The following CDH18 variants were observed in gnomAD, a reference collection of about 807,000 sequenced individuals.
CDH18 encodes cadherin 18, also known as cadherin-18.
Under a neutral mutation model 67.9 loss-of-function variants are expected in CDH18, and 31 were observed. That is an observed-to-expected ratio of 0.46 (90% confidence interval 0.34 to 0.62). The LOEUF (loss-of-function observed/expected upper bound fraction) is 0.62. CDH18 is among the 20% of genes least tolerant of loss of function. CDH18 has a pLI of 0.01. For synonymous variants in CDH18, 362 were observed against 347.2 expected, an observed-to-expected ratio of 1.04 and a Z score of -0.48; for missense variants, 890 against 975.5, an observed-to-expected ratio of 0.91 and a Z score of 1.17.
At chr5:19,601,937 T>TAAAAG (rs1747201245) in intron 6 of CDH18, among the ~76,000 whole-genome samples, 1 of 151,858 alleles carries the variant, frequency 6.6e-6, no homozygotes, top group South Asian at 2.1e-4. Context: ...GAACTATAAA[T>TAAAAG]AAAAGAAACT....
At chr5:20,497,035 A>G (rs1043824798) in intron 1 of CDH18, among the ~76,000 whole-genome samples, 1 of 152,014 alleles carries the variant, frequency 6.6e-6, no homozygotes, top group African/African-American at 2.4e-5. Context: ...TTGAAGGAGA[A>G]GGTAGAAAGG....
At chr5:19,559,915 C>CAAAAAAAAAAAA (rs754748614) in intron 8 of CDH18, among the ~76,000 whole-genome samples, 1 of 131,944 alleles carries the variant, frequency 7.6e-6, no homozygotes, top group African/African-American at 3.0e-5. Flanking sequence ...ATAATAGTTG[C>CAAAAAAAAAAAA]AAAAACAAAC....
rs149737106 is a variant in CDH18 at position 20,328,606 on chromosome 5, G to A, written c.-579-73101C>T. 6.9e-4 allele frequency among the ~76,000 whole-genome samples: 105 copies of A among 152,212 alleles called. 2 individuals carry two copies. In the East Asian group the frequency reaches 0.015, roughly 22 times the overall value. Reference sequence around the variant, plus strand: ...ATTATTAGATATAAAAGTCTCTAATGTGGACTATTCTTCCTTCACCCCATA... The same window carrying A: ...ATTATTAGATATAAAAGTCTCTAATATGGACTATTCTTCCTTCACCCCATA... On this transcript the variant is annotated intron_variant, in intron 1 of 14. Coordinates refer to the CDH18 transcript ENST00000507958.
chr5:19,797,007 A>G (rs1295621536), intron 3 of CDH18, among the ~76,000 whole-genome samples: 2 of 151,992 alleles, frequency 1.3e-5, no homozygotes, highest in African/African-American at 2.4e-5. Context: ...CAGAGAAAAC[A>G]AATGTAAGAT....
intron 1 of CDH18, among the ~76,000 whole-genome samples, chr5:20,495,791 T>C (rs1054848576): frequency 2.7e-5 from 4 of 148,744 alleles, no homozygotes; most frequent in African/African-American, 9.7e-5. Context: ...AAATATCGAG[T>C]TCTAGAACTC....
intron 11 of CDH18, among the ~76,000 whole-genome samples, chr5:19,496,517 A>G: frequency 6.6e-6 from 1 of 152,114 alleles, no homozygotes; most frequent in Non-Finnish European, 1.5e-5. Context: ...ATGCCACAGT[A>G]AAAAGGGCTT....
chr5:20,541,316 T>G (rs1310119961), intron 1 of CDH18, among the ~76,000 whole-genome samples: 1 of 152,168 alleles, frequency 6.6e-6, no homozygotes, highest in African/African-American at 2.4e-5. Context: ...AATTTTACAC[T>G]AAATGCCTTA....
chr5:20,344,091 A>G (rs536689870), intron 1 of CDH18, among the ~76,000 whole-genome samples: 4 of 152,262 alleles, frequency 2.6e-5, no homozygotes, highest in Middle Eastern at 6.8e-3. Context: ...TTTTCAGCCC[A>G]AAGGATGGCT....
intron 5 of CDH18, among the ~76,000 whole-genome samples, chr5:19,639,042 T>G (rs907438807): frequency 5.5e-5 from 8 of 144,204 alleles, no homozygotes; most frequent in Non-Finnish European, 7.6e-5. Flanking sequence ...TCACTCTGTC[T>G]CCCAGGCTGG....
At chr5:19,969,256 C>T (rs1333646133) in intron 2 of CDH18, among the ~76,000 whole-genome samples, 2 of 141,128 alleles carry the variant, frequency 1.4e-5, no homozygotes, top group Non-Finnish European at 3.0e-5. Flanking sequence ...GGACTGTAAA[C>T]GAGTTCAACC....
intron 4 of CDH18, among the ~76,000 whole-genome samples, chr5:19,731,507 C>CTT (rs539963263): frequency 3.4e-4 from 52 of 152,132 alleles, no homozygotes; most frequent in African/African-American, 1.2e-3. Context: ...CAGTTTTGGA[C>CTT]TTTGGAGCAT....
At chr5:20,568,743 G>A (rs751802023) in intron 1 of CDH18, among the ~76,000 whole-genome samples, 52 of 152,226 alleles carry the variant, frequency 3.4e-4, no homozygotes, top group Admixed American at 8.5e-4. Flanking sequence ...AACATCTTGA[G>A]AAACTGGTCG....
At chr5:20,512,904 G>A (rs1031768468) in intron 1 of CDH18, among the ~76,000 whole-genome samples, 1 of 147,352 alleles carries the variant, frequency 6.8e-6, no homozygotes, top group Non-Finnish European at 1.5e-5. Flanking sequence ...AAAAAAAATC[G>A]ACTCAGCTCT....
chr5:20,043,878 A>C (rs1383464062), intron 2 of CDH18, among the ~76,000 whole-genome samples: 1 of 152,144 alleles, frequency 6.6e-6, no homozygotes, highest in East Asian at 1.9e-4. Context: ...TTTCTATGGA[A>C]ATCCTAAAAA....
At chr5:19,554,797 T>C (rs1003418159) in intron 8 of CDH18, among the ~76,000 whole-genome samples, 1 of 152,206 alleles carries the variant, frequency 6.6e-6, no homozygotes, top group South Asian at 2.1e-4. Flanking sequence ...AGAGGTCTTC[T>C]ATATCTTTAA....
intron 5 of CDH18, among the ~76,000 whole-genome samples, chr5:19,643,241 T>C (rs1242531386): frequency 6.6e-6 from 1 of 152,066 alleles, no homozygotes; most frequent in African/African-American, 2.4e-5. Context: ...GGTGGGAATG[T>C]AAATTGGCAC....
chr5:20,184,124 T>G lies in CDH18; in HGVS notation c.-518+71320A>C, dbSNP rs1250451000. Among the ~76,000 whole-genome samples, 7 of 152,170 alleles carry G rather than the reference T, an allele frequency of 4.6e-5. No individual in the cohort carries two copies. In the East Asian group the frequency reaches 1.4e-3, roughly 29 times the overall value. On this transcript the variant is annotated intron_variant, in intron 2 of 14. Coordinates refer to the CDH18 transcript ENST00000507958. ...ATTGACTTTCAAAAATATTTTCACC[T>G]GAGGAATGACTAATCTAGTGACATA...
intron 1 of CDH18, among the ~76,000 whole-genome samples, chr5:19,981,407 G>GTT (rs1799027295): frequency 1.7e-5 from 2 of 118,658 alleles, no homozygotes; most frequent in African/African-American, 5.0e-5. Flanking sequence ...ACCACAGAAA[G>GTT]AATAATTTAT....
At chr5:20,462,358 A>G (rs1429369031) in intron 1 of CDH18, among the ~76,000 whole-genome samples, 1 of 152,178 alleles carries the variant, frequency 6.6e-6, no homozygotes, top group Non-Finnish European at 1.5e-5. Context: ...GCCTGGGAAG[A>G]GTATATAGAG....
Sources: allele counts gnomAD v4.1 joint callset (sites outside exome capture counted in the v4.1 genomes callset), GRCh38; gene constraint gnomAD v4.1.1; transcripts MANE v1.5; gene names NCBI Gene and HGNC (gene_info 2026-07-23, HGNC 2026-07-21).